ZNF510: variants seen among roughly 807,000 people sequenced by gnomAD.
The protein encoded by ZNF510 is zinc finger protein 510.
ZNF510 carries 15 observed loss-of-function variants against 18.1 expected under a neutral mutation model. The observed-to-expected ratio is 0.83, with a 90% CI of 0.55 to 1.28. ZNF510 has a LOEUF of 1.28. ZNF510 is among the 50% of genes most tolerant of loss of function. The pLI is 0.00. For missense variants in ZNF510, 724 were observed against 791.8 expected (o/e 0.91, Z 1.03); for synonymous variants, 261 against 266.4 (o/e 0.98, Z 0.20).
rs776477894 is a variant in ZNF510 at position 96,759,434 on chromosome 9, C to T, written c.1396G>A (p.Gly466Arg). Residue 466 changes from glycine (G) to arginine (R), a missense_variant, in exon 6 of 6, where the codon GGA (glycine) becomes AGA (arginine). Physicochemically the swap from Gly to Arg is moderately radical, Grantham distance 125. Coordinates refer to ENST00000223428, the MANE Select transcript of ZNF510 (RefSeq NM_014930.3). Reference protein sequence around the residue: ...AEKPYKCNECGKTFVQKSTLR... With the variant: ...AEKPYKCNECRKTFVQKSTLR... ...GTTGACTTCTGGACAAATGTTTTTC[C>T]ACATTCATTACATTTATAGGGTTTT... The T allele has an allele frequency of 6.2e-7, 1 of 1,614,066 alleles. No individual in the cohort carries two copies. The highest frequency in any genetic ancestry group is 1.3e-5 in the African/African-American group (1 of 75,038).
rs1307159899 is a variant in ZNF510 at position 96,758,852 on chromosome 9, C to G, written c.1978G>C (p.Glu660Gln). Residue 660 changes from glutamate to glutamine, a missense_variant, in exon 6 of 6, where the codon GAA (glutamate) becomes CAA (glutamine). Transcript: ENST00000223428. Reference sequence around the variant, plus strand: ...GACTTCTTACATAATTTCCCATATTCATTGCATTCATAAGATTTCTCCCCA... The same window carrying G: ...GACTTCTTACATAATTTCCCATATTGATTGCATTCATAAGATTTCTCCCCA... Reference protein sequence around the residue: ...HSGEKSYECNEYGKLCKKSTL... With the variant: ...HSGEKSYECNQYGKLCKKSTL... The G allele has an allele frequency of 6.2e-7, 1 of 1,613,728 alleles. No individual in the cohort carries two copies. The highest frequency in any genetic ancestry group is 1.3e-5 in the African/African-American group (1 of 74,906).
chr9:96,769,437 C>CAAAAAAAAAAAAAAAA (rs71485393), intron 3 of ZNF510, among the ~76,000 whole-genome samples: 1 of 126,324 alleles, frequency 7.9e-6, no homozygotes, highest in African/African-American at 3.2e-5. Flanking sequence ...ATTCCGTCTC[C>CAAAAAAAAAAAAAAAA]AAAAAAAAAA....
At chr9:96,766,276 A>G (rs1261805097) in intron 3 of ZNF510, among the ~76,000 whole-genome samples, 2 of 152,160 alleles carry the variant, frequency 1.3e-5, no homozygotes, top group Non-Finnish European at 2.9e-5. Context: ...AGAAAAACCA[A>G]CAGGGATATA....
At chr9:96,766,951 G>A (rs1380254474) in intron 3 of ZNF510, among the ~76,000 whole-genome samples, 1 of 152,182 alleles carries the variant, frequency 6.6e-6, no homozygotes, top group Non-Finnish European at 1.5e-5. Context: ...AGGCAAATGT[G>A]TACTAGTTTG....
chr9:96,772,719 A>AAGAT (rs1339637389), intron 3 of ZNF510, among the ~76,000 whole-genome samples: 2 of 152,218 alleles, frequency 1.3e-5, no homozygotes, highest in Non-Finnish European at 2.9e-5. Flanking sequence ...TAAAAACAAA[A>AAGAT]AGATTGATAA....
At chr9:96,769,732 C>CA (rs1367373966) in intron 3 of ZNF510, among the ~76,000 whole-genome samples, 5 of 152,040 alleles carry the variant, frequency 3.3e-5, no homozygotes, top group East Asian at 3.8e-4. Flanking sequence ...AACTGAACAA[C>CA]AAAAAATGTA....
At chr9:96,765,327 C>T (rs1564437893) in intron 3 of ZNF510, among the ~76,000 whole-genome samples, 1 of 152,114 alleles carries the variant, frequency 6.6e-6, no homozygotes, top group East Asian at 1.9e-4. Context: ...AGTTATTTTG[C>T]AGTCATTTGT....
rs886538874 is a variant in ZNF510, at chr9:96,754,700, C to T, written c.*4078G>A. Among the ~76,000 whole-genome samples the T allele has an allele frequency of 6.7e-6, 1 of 149,294 alleles. No homozygotes were observed. Among genetic ancestry groups the T allele is most frequent in the Non-Finnish European group, 1.5e-5 (1 of 67,994 alleles). On this transcript the variant is annotated 3_prime_UTR_variant, in exon 6 of 6. Transcript: ENST00000223428. ...TAGGGAACTTATAGCAATATTTTAC[C>T]TATTTATAATAATCACCCAAAAGAT... is the stretch of plus-strand genomic sequence containing the variant.
At position 96,755,733 on chromosome 9, in the gene ZNF510, T is replaced by C. The variant is rs530915950; in HGVS notation, c.*3045A>G. On this transcript the variant is annotated 3_prime_UTR_variant, in exon 6 of 6. Coordinates refer to ENST00000223428, the MANE Select transcript of ZNF510 (RefSeq NM_014930.3). ...CAGTCATATGCACTATCTTTACAAA[T>C]GACAATTTAGTATATATTTAAAATC... 24 of 152,282 alleles carry C rather than the reference T, an allele frequency of 1.6e-4. No homozygotes were observed. Among genetic ancestry groups the C allele is most frequent in the African/African-American group, 5.3e-4 (22 of 41,538 alleles). The allele number at this position is 152,282 out of a possible 1,614,324, so 9.4% of individuals were successfully genotyped here.
At position 96,763,170 on chromosome 9, in the gene ZNF510, T is replaced by C. The variant is rs778760335; in HGVS notation, c.300A>G (p.Gln100=). ...CCTCTGAGAACCAAGGCTCCTCTCC[T>C]TGCTCCAACTTGAAGATCACCTCTG... ...FKPEVIFKLE[Q]GEEPWFSEEE... is the part of the protein sequence containing the mutation. The change falls in exon 5 of 6, where the codon CAA becomes CAG. Residue 100 remains glutamine, a synonymous_variant. Coordinates refer to ENST00000223428, the MANE Select transcript of ZNF510 (RefSeq NM_014930.3). 18 of 1,614,092 alleles carry C rather than the reference T, an allele frequency of 1.1e-5. No individual in the cohort carries two copies. Among genetic ancestry groups the C allele is most frequent in the Admixed American group, 5.0e-5 (3 of 60,020 alleles).
rs1849253834 is a variant in ZNF510 at position 96,758,758 on chromosome 9, A to C, written c.*20T>G. 1 of 1,530,810 alleles carries C rather than the reference A, an allele frequency of 6.5e-7. No individual in the cohort carries two copies. 94.8% of individuals were successfully genotyped at this position (1,530,810 alleles called of 1,614,324 possible). On this transcript the variant is annotated 3_prime_UTR_variant, in exon 6 of 6. Transcript: ENST00000223428. ...CAAATGGGGTATTCCTTTTGTCAAA[A>C]GGATTTTCTAGTTATTACATCAATA...
chr9:96,764,789 C>T (rs1849432572), intron 3 of ZNF510, among the ~76,000 whole-genome samples: 3 of 152,014 alleles, frequency 2.0e-5, no homozygotes, highest in African/African-American at 7.2e-5. Flanking sequence ...CTATCATATA[C>T]AGTAGACTTT....
chr9:96,763,591 C>A lies in ZNF510; in HGVS notation c.171G>T (p.Gln57His). 6.2e-7 allele frequency: 1 copy of A among 1,613,606 alleles called. No individual in the cohort carries two copies. Among genetic ancestry groups the A allele is most frequent in the Non-Finnish European group, 8.5e-7 (1 of 1,179,776 alleles). The change falls in exon 4 of 6, where the codon CAG (glutamine) becomes CAT (histidine). Residue 57 changes from glutamine (Q) to histidine (H), a missense_variant. Coordinates refer to ENST00000223428, the MANE Select transcript of ZNF510 (RefSeq NM_014930.3). ...SFKDVTIEFT[Q>H]EEWQQMAPVQ... Reference sequence around the variant, plus strand: ...CAGGGGCCATTTGCTGCCACTCCTCCTGGGTGAATTCTATAGTCACGTCCT... The same window carrying A: ...CAGGGGCCATTTGCTGCCACTCCTCATGGGTGAATTCTATAGTCACGTCCT...
chr9:96,768,414 C>T (rs942947908), intron 3 of ZNF510, among the ~76,000 whole-genome samples: 3 of 152,036 alleles, frequency 2.0e-5, no homozygotes, highest in Non-Finnish European at 4.4e-5. Context: ...AAAAGTAAAA[C>T]TATCTCTATT....
rs959576063 is a variant in ZNF510 at position 96,763,705 on chromosome 9, T to C, written c.130-73A>G. On this transcript the variant is annotated intron_variant, in intron 3 of 5. Transcript: ENST00000223428. ...ATGTAGAAAATAGCCATGAAAACAA[T>C]TCTTATCAGGTTTAACTCTAAAAAG... is the stretch of plus-strand genomic sequence containing the variant. The C allele has an allele frequency of 2.9e-5, 41 of 1,406,178 alleles. 1 individual carries two copies. The highest frequency in any genetic ancestry group is 9.6e-5 in the Admixed American group (4 of 41,470). The allele number at this position is 1,406,178 out of a possible 1,614,324, so 87.1% of individuals were successfully genotyped here. A position where few individuals can be genotyped will look rare whatever the true frequency, so the allele number is the denominator to read the frequency against.
intron 5 of ZNF510, among the ~76,000 whole-genome samples, chr9:96,762,100 T>C (rs1359260949): frequency 6.6e-6 from 1 of 151,038 alleles, no homozygotes; most frequent in African/African-American, 2.4e-5. Context: ...TTGGGTGCAG[T>C]GTATACTGCT....
chr9:96,777,677 T>G (rs1334881501), intron 1 of ZNF510: 4 of 152,162 alleles, frequency 2.6e-5, no homozygotes, highest in African/African-American at 9.7e-5. Context: ...GCTCCTAGGC[T>G]CGGCCTCTCA....
intron 5 of ZNF510, among the ~76,000 whole-genome samples, chr9:96,760,795 G>A (rs1849329482): frequency 6.6e-6 from 1 of 152,000 alleles, no homozygotes; most frequent in Admixed American, 6.6e-5. Context: ...TAGGGAGCAG[G>A]AAAAACAGAG....
chr9:96,760,789 G>A (rs1224549717), intron 5 of ZNF510, among the ~76,000 whole-genome samples: 4 of 152,020 alleles, frequency 2.6e-5, no homozygotes, highest in Admixed American at 2.0e-4. Flanking sequence ...TTATTTTAGG[G>A]AGCAGGAAAA....
Sources: gnomAD v4.1 joint callset for allele counts (sites outside exome capture counted in the v4.1 genomes callset) on GRCh38, gnomAD v4.1.1 for gene constraint, MANE v1.5 for transcripts, NCBI Gene and HGNC (gene_info 2026-07-23, HGNC 2026-07-21) for gene names.